Variants in MARCHF1 observed in about 807,000 individuals in gnomAD.
The protein encoded by MARCHF1 is E3 ubiquitin-protein ligase MARCHF1.
MARCHF1 carries 40 observed loss-of-function variants against 54.2 expected under a neutral mutation model. That is an observed-to-expected ratio of 0.74 (90% CI 0.57 to 0.96). The LOEUF is 0.96. MARCHF1 is among the 40% of genes least tolerant of loss of function. MARCHF1 has a pLI of 0.00. For missense variants in MARCHF1, 586 were observed against 656.5 expected (o/e 0.89, Z 1.17); for synonymous variants, 236 against 236.3 (o/e 1.00, Z 0.01).
At chr4:163,928,677 GATTTA>G (rs960536744) in intron 3 of MARCHF1, among the ~76,000 whole-genome samples, 12 of 151,786 alleles carry the variant, frequency 7.9e-5, no homozygotes, top group African/African-American at 2.9e-4. Flanking sequence ...TTAAAATTCT[GATTTA>G]ATTTATGTAT....
chr4:164,152,791 A>G (rs1729976026), intron 1 of MARCHF1, among the ~76,000 whole-genome samples: 1 of 152,144 alleles, frequency 6.6e-6, no homozygotes, highest in African/African-American at 2.4e-5. Context: ...TTTACCCTGA[A>G]CATTCCTTTC....
chr4:163,721,921 T>C (rs1745480751), intron 4 of MARCHF1, among the ~76,000 whole-genome samples: 1 of 152,144 alleles, frequency 6.6e-6, no homozygotes, highest in South Asian at 2.1e-4. Context: ...CTTCTCTCTT[T>C]TCCTCTTTAT....
At chr4:163,700,954 A>G (rs532988122) in intron 4 of MARCHF1, 91 bp from the exon 5 acceptor site, 1 of 807,578 alleles carries the variant, frequency 1.2e-6, no homozygotes, top group South Asian at 1.5e-5. Flanking sequence ...AGCACAAGGA[A>G]ATCTGTGAAT....
At chr4:163,764,750 A>C (rs558678499) in intron 4 of MARCHF1, among the ~76,000 whole-genome samples, 38 of 152,188 alleles carry the variant, frequency 2.5e-4, no homozygotes, top group African/African-American at 8.7e-4. Context: ...AAGGAGTATG[A>C]CTAGTTTCAA....
intron 7 of MARCHF1, among the ~76,000 whole-genome samples, chr4:163,599,754 T>C (rs1158269780): frequency 1.3e-5 from 2 of 152,312 alleles, no homozygotes; most frequent in African/African-American, 4.8e-5. Context: ...TAGGTCTGGA[T>C]TGGGGCCTCA....
At chr4:163,932,633 G>A (rs1299795098) in intron 3 of MARCHF1, 1 of 449,254 alleles carries the variant, frequency 2.2e-6, no homozygotes, top group African/African-American at 2.0e-5. Flanking sequence ...TGTCCTATGA[G>A]GAGTGCAACC....
rs74816128 is a variant in MARCHF1 at position 163,912,953 on chromosome 4, G to A, written c.-38-58784C>T. Among the ~76,000 whole-genome samples the A allele has an allele frequency of 3.3e-3, 502 of 152,250 alleles. 5 individuals are homozygous for A. The highest frequency in any genetic ancestry group is 0.011 in the African/African-American group (464 of 41,540). On this transcript the variant is annotated intron_variant, in intron 3 of 9. Transcript: ENST00000514618. ...CAAGTTGCACATTAATTTAAAACAT[G>A]TCACAGAAAGGCTCTTCCTAGATAA...
intron 4 of MARCHF1, among the ~76,000 whole-genome samples, chr4:163,837,426 A>G (rs7680927): frequency 0.62 from 93,607 of 152,030 alleles, 28,901 homozygotes; most frequent in East Asian, 0.67. Context: ...ACAACTATTT[A>G]TAAGTTGCAT....
intron 2 of MARCHF1, among the ~76,000 whole-genome samples, chr4:164,042,775 A>G (rs1455688825): frequency 6.6e-6 from 1 of 152,218 alleles, no homozygotes; most frequent in Admixed American, 6.5e-5. Context: ...TGTAAAATCA[A>G]AAACTAGTTA....
Position 164,366,135 on chromosome 4 carries a change from A to G in MARCHF1, c.-323+17735T>C, listed in dbSNP as rs186601020. Reference sequence around the variant, plus strand: ...TATAAAATCAGAAAAGTTGTGTTAAAATCCTGACAATATTTAATGGGGCAC... The same window carrying G: ...TATAAAATCAGAAAAGTTGTGTTAAGATCCTGACAATATTTAATGGGGCAC... On this transcript the variant is annotated intron_variant, in intron 1 of 9. Coordinates refer to ENST00000514618, the MANE Select transcript of MARCHF1 (RefSeq NM_001394959.1). 2.0e-5 allele frequency among the ~76,000 whole-genome samples: 3 copies of G among 152,210 alleles called. No individual in the cohort carries two copies. In the East Asian group the frequency reaches 5.8e-4, roughly 29 times the overall value.
At chr4:163,606,576 A>T (rs1164535597) in intron 7 of MARCHF1, among the ~76,000 whole-genome samples, 1 of 152,082 alleles carries the variant, frequency 6.6e-6, no homozygotes, top group Admixed American at 6.6e-5. Context: ...AATGAAGTGC[A>T]TATTGAAGCA....
chr4:164,102,862 G>A (rs1410603263), intron 2 of MARCHF1, among the ~76,000 whole-genome samples: 1 of 99,460 alleles, frequency 1.0e-5, no homozygotes, highest in East Asian at 2.2e-4. Context: ...GCTGTATTCA[G>A]GAAACCCATC....
chr4:164,101,184 G>A (rs1337335895), intron 2 of MARCHF1, among the ~76,000 whole-genome samples: 2 of 152,228 alleles, frequency 1.3e-5, no homozygotes. Flanking sequence ...CGAGGCCGGG[G>A]GAGGGGCACC....
At chr4:163,773,938 C>A (rs1747231498) in intron 4 of MARCHF1, among the ~76,000 whole-genome samples, 1 of 152,046 alleles carries the variant, frequency 6.6e-6, no homozygotes, top group Non-Finnish European at 1.5e-5. Flanking sequence ...GGTCCAATTG[C>A]CATTCAAAGA....
intron 3 of MARCHF1, among the ~76,000 whole-genome samples, chr4:163,966,089 G>C (rs1005956616): frequency 1.3e-5 from 2 of 151,932 alleles, no homozygotes; most frequent in Admixed American, 6.6e-5. Flanking sequence ...TATTGATTTT[G>C]TTTCAAAGAA....
At chr4:163,727,617 T>G (rs1298532157) in intron 4 of MARCHF1, among the ~76,000 whole-genome samples, 1 of 151,926 alleles carries the variant, frequency 6.6e-6, no homozygotes, top group African/African-American at 2.4e-5. Context: ...AAATTAATTT[T>G]TTTTTTTTGC....
chr4:163,721,013 C>T (rs962930417), intron 4 of MARCHF1, among the ~76,000 whole-genome samples: 2 of 152,102 alleles, frequency 1.3e-5, no homozygotes, highest in African/African-American at 4.8e-5. Flanking sequence ...AATTGAATAC[C>T]TTTTATTTCT....
intron 1 of MARCHF1, among the ~76,000 whole-genome samples, chr4:164,299,345 C>T (rs1225853022): frequency 6.6e-6 from 1 of 152,062 alleles, no homozygotes; most frequent in Non-Finnish European, 1.5e-5. Flanking sequence ...GTCCTGACAA[C>T]TTTGACACAT....
At chr4:164,248,406 A>T (rs1004761170) in intron 1 of MARCHF1, among the ~76,000 whole-genome samples, 15 of 152,060 alleles carry the variant, frequency 9.9e-5, no homozygotes, top group Non-Finnish European at 1.0e-4. Context: ...GGGCTACAAG[A>T]TTATTATAAT....
Sources: allele counts gnomAD v4.1 joint callset (sites outside exome capture counted in the v4.1 genomes callset), GRCh38; gene constraint gnomAD v4.1.1; transcripts MANE v1.5; gene names NCBI Gene and HGNC (gene_info 2026-07-23, HGNC 2026-07-21).